FLNB: variants seen among roughly 807,000 people sequenced by gnomAD.
FLNB encodes filamin B, also known as filamin-B.
In FLNB, 111 loss-of-function variants were observed where a neutral mutation model predicts 250.6. The observed-to-expected ratio is 0.44, with a 90% CI of 0.38 to 0.52. The LOEUF is 0.52. Ranked by LOEUF, FLNB falls within the 20% of genes least tolerant of loss-of-function variation. FLNB has a pLI of 0.00. For missense variants in FLNB, 2,869 were observed against 3,447.8 expected (o/e 0.83, Z 4.20); for synonymous variants, 1,302 against 1,372.1 (o/e 0.95, Z 1.13).
At chr3:58,066,891 A>G (rs1275711064) in intron 1 of FLNB, among the ~76,000 whole-genome samples, 2 of 152,260 alleles carry the variant, frequency 1.3e-5, no homozygotes, top group Non-Finnish European at 2.9e-5. Flanking sequence ...ACAATAAGGT[A>G]TTTATGAAGT....
Position 58,137,846 on chromosome 3 carries a change from T to C in FLNB, c.4862-436T>C, listed in dbSNP as rs150062038. ...ACTTCTCTGAGGAACAGTTTGTTATTTTTTCTGTAACTTAGTTCCTCTTCA... is the reference window on the plus strand; with the variant it reads ...ACTTCTCTGAGGAACAGTTTGTTATCTTTTCTGTAACTTAGTTCCTCTTCA... On this transcript the variant is annotated intron_variant, in intron 28 of 45. Transcript: ENST00000295956. Among the ~76,000 whole-genome samples the C allele has an allele frequency of 2.4e-4, 36 of 152,320 alleles. No homozygotes were observed. In the East Asian group the frequency reaches 6.2e-3, roughly 26 times the overall value.
At position 58,077,142 on chromosome 3, in the gene FLNB, A is replaced by G; in HGVS notation, c.389A>G (p.Asp130Gly). The change falls in exon 2 of 46, where the codon GAT becomes GGT. Residue 130 changes from aspartate (D) to glycine (G), a missense_variant. Transcript: ENST00000295956. ...TCCATCTCCATGCCCGTGTGGGAGG[A>G]TGAAGGGGATGATGATGCCAAGAAG... ...HYSISMPVWEDEGDDDAKKQT... is the reference protein window; with the variant it reads ...HYSISMPVWEGEGDDDAKKQT... 6.2e-7 allele frequency: 1 copy of G among 1,614,076 alleles called. No homozygotes were observed. The highest frequency in any genetic ancestry group is 8.5e-7 in the Non-Finnish European group (1 of 1,180,002).
chr3:58,154,144 A>C (rs1003038025), intron 39 of FLNB, among the ~76,000 whole-genome samples: 2 of 152,200 alleles, frequency 1.3e-5, no homozygotes, highest in African/African-American at 4.8e-5. Flanking sequence ...GGGTCCCACT[A>C]TCTTGCTCAG....
chr3:58,091,326 G>A (rs2097226901), intron 4 of FLNB, among the ~76,000 whole-genome samples: 1 of 152,208 alleles, frequency 6.6e-6, no homozygotes, highest in Non-Finnish European at 1.5e-5. Flanking sequence ...TCCAGATTTT[G>A]TAGTATTGGT....
intron 25 of FLNB, chr3:58,132,570 C>A: frequency 1.7e-6 from 1 of 586,506 alleles, no homozygotes. Context: ...CTAGGGCAGA[C>A]TGAGTGTATT....
At chr3:58,028,611 CTTTTCT>C (rs1171373360) in intron 1 of FLNB, among the ~76,000 whole-genome samples, 1 of 145,918 alleles carries the variant, frequency 6.9e-6, no homozygotes, top group African/African-American at 2.6e-5. Context: ...ATTTTTTTTT[CTTTTCT>C]TTTTTTTTTT....
intron 19 of FLNB, among the ~76,000 whole-genome samples, chr3:58,119,716 A>G (rs1038445698): frequency 6.6e-6 from 1 of 152,348 alleles, no homozygotes; most frequent in Non-Finnish European, 1.5e-5. Flanking sequence ...AAAACATTAC[A>G]GTTAAGGGAT....
chr3:58,063,151 G>A (rs926872509), intron 1 of FLNB, among the ~76,000 whole-genome samples: 5 of 152,108 alleles, frequency 3.3e-5, no homozygotes, highest in African/African-American at 9.7e-5. Flanking sequence ...CTTCTCTGAC[G>A]CCCCAGCAGG....
intron 43 of FLNB, among the ~76,000 whole-genome samples, chr3:58,166,450 G>A (rs1259974715): frequency 6.6e-6 from 1 of 152,034 alleles, no homozygotes; most frequent in Non-Finnish European, 1.5e-5. Context: ...TTTTAAAGAC[G>A]AACTTAGGAA....
chr3:58,068,968 G>A (rs1392888044), intron 1 of FLNB, among the ~76,000 whole-genome samples: 1 of 151,712 alleles, frequency 6.6e-6, no homozygotes, highest in Non-Finnish European at 1.5e-5. Context: ...GCAACATGGC[G>A]GAACCCTGTC....
intron 1 of FLNB, among the ~76,000 whole-genome samples, chr3:58,020,970 A>C (rs2097113170): frequency 6.6e-6 from 1 of 151,376 alleles, no homozygotes; most frequent in Non-Finnish European, 1.5e-5. Context: ...CCTCCTAGGG[A>C]GGCCGGGGCA....
chr3:58,041,205 A>T lies in FLNB; in HGVS notation c.292+32349A>T, dbSNP rs116483797. Among the ~76,000 whole-genome samples, 1,013 of 152,300 alleles carry T rather than the reference A, an allele frequency of 6.7e-3. 11 individuals are homozygous for T. The highest frequency in any genetic ancestry group is 0.022 in the African/African-American group (933 of 41,554). ...GTGTGGTATCCCTGTGGACACAAGG[A>T]TTTAACTTGATTCTTTTTGCTTTCA... On this transcript the variant is annotated intron_variant, in intron 1 of 45. Coordinates refer to ENST00000295956, the MANE Select transcript of FLNB (RefSeq NM_001457.4).
intron 1 of FLNB, among the ~76,000 whole-genome samples, chr3:58,042,177 C>T (rs1234545067): frequency 6.6e-6 from 1 of 152,078 alleles, no homozygotes; most frequent in East Asian, 1.9e-4. Flanking sequence ...TTCATGCTGG[C>T]CTGGTTTTTC....
At chr3:58,049,990 T>C (rs1198471201) in intron 1 of FLNB, among the ~76,000 whole-genome samples, 1 of 152,040 alleles carries the variant, frequency 6.6e-6, no homozygotes, top group Non-Finnish European at 1.5e-5. Flanking sequence ...AACTTCCTTT[T>C]ACCTTGTTCA....
Position 58,036,174 on chromosome 3 carries a change from C to T in FLNB, c.292+27318C>T, listed in dbSNP as rs760680864. On this transcript the variant is annotated intron_variant, in intron 1 of 45. Coordinates refer to ENST00000295956, the MANE Select transcript of FLNB (RefSeq NM_001457.4). ...GTTTCTTTATTCTGACTGTGCTCTT[C>T]GTCAGCTCTGGGGCTTTGGACCCCA... Among the ~76,000 whole-genome samples the T allele has an allele frequency of 1.1e-4, 16 of 152,270 alleles. No homozygotes were observed. In the East Asian group the frequency reaches 3.1e-3, roughly 29 times the overall value.
At chr3:58,047,974 C>G (rs6779340) in intron 1 of FLNB, among the ~76,000 whole-genome samples, 39,945 of 152,136 alleles carry the variant, frequency 0.26, 6,060 homozygotes, top group Middle Eastern at 0.45. Context: ...CTCCTAACCA[C>G]AGTGTCTCTG....
At position 58,168,610 on chromosome 3, in the gene FLNB, G is replaced by T. The variant is rs142229998; in HGVS notation, c.7369G>T (p.Gly2457Cys). 1 of 1,614,006 alleles carries T rather than the reference G, an allele frequency of 6.2e-7. No individual in the cohort carries two copies. Among genetic ancestry groups the T allele is most frequent in the South Asian group, 1.1e-5 (1 of 91,078 alleles). Residue 2457 changes from glycine (G) to cysteine (C), a missense_variant, in exon 44 of 46, where the codon GGT becomes TGT. Gly to Cys is a radical substitution (Grantham distance 159). Around this residue, in one of 5 missense-constraint regions of FLNB, gnomAD observed 1,084 missense variants for 1,315.5 expected, o/e 0.82. Coordinates refer to ENST00000295956, the MANE Select transcript of FLNB (RefSeq NM_001457.4). ...TAACTACCTGATCAGCGTCAAATAC[G>T]GTGGGCCCAACCACATCGTGGGCAG... ...PGNYLISVKY[G>C]GPNHIVGSPF...
chr3:58,076,624 T>C (rs1329232718), intron 1 of FLNB, among the ~76,000 whole-genome samples: 1 of 151,266 alleles, frequency 6.6e-6, no homozygotes, highest in Non-Finnish European at 1.5e-5. Flanking sequence ...TCGGCTAATT[T>C]TTTTTTTTTT....
intron 1 of FLNB, among the ~76,000 whole-genome samples, chr3:58,016,490 GTATT>G (rs1449426390): frequency 2.7e-5 from 4 of 149,274 alleles, no homozygotes; most frequent in African/African-American, 9.8e-5. Context: ...ATTTATATAT[GTATT>G]TATATATATT....
Sources: allele counts gnomAD v4.1 joint callset (sites outside exome capture counted in the v4.1 genomes callset), GRCh38; gene constraint gnomAD v4.1.1; regional missense constraint gnomAD v4.1.1; transcripts MANE v1.5; gene names NCBI Gene and HGNC (gene_info 2026-07-23, HGNC 2026-07-21).